Variants in HTR4 observed in about 807,000 individuals in gnomAD.
The protein encoded by HTR4 is 5-hydroxytryptamine receptor 4.
In HTR4, 16 loss-of-function variants were observed where a neutral mutation model predicts 36.8. The ratio of observed to expected loss-of-function variants is 0.43; its 90% CI spans 0.29 to 0.66. HTR4 has a LOEUF of 0.66. Among genes scored for constraint, HTR4 ranks in the 30% least tolerant of loss-of-function variants. The pLI, the probability that HTR4 is intolerant of heterozygous loss-of-function variation, is 0.13. For missense variants in HTR4, 438 were observed against 490.9 expected (o/e 0.89, Z 1.02); for synonymous variants, 189 against 185.1 (o/e 1.02, Z -0.17).
intron 6 of HTR4, among the ~76,000 whole-genome samples, chr5:148,498,846 G>T (rs1256848255): frequency 6.6e-6 from 1 of 152,032 alleles, no homozygotes. Flanking sequence ...ATAAGAATAG[G>T]TCCATCTGAT....
intron 4 of HTR4, among the ~76,000 whole-genome samples, chr5:148,538,965 G>C (rs952125448): frequency 2.6e-5 from 4 of 152,118 alleles, no homozygotes; most frequent in Admixed American, 2.0e-4. Flanking sequence ...CACCTCACCT[G>C]ACTTCAACCT....
intron 5 of HTR4, among the ~76,000 whole-genome samples, chr5:148,515,593 T>C (rs1485503962): frequency 1.3e-5 from 2 of 152,256 alleles, no homozygotes; most frequent in East Asian, 1.9e-4. Flanking sequence ...CATATTTTCA[T>C]TGGGTATAGA....
chr5:148,580,676 T>C (rs1761097675), intron 2 of HTR4, among the ~76,000 whole-genome samples: 1 of 152,172 alleles, frequency 6.6e-6, no homozygotes, highest in Admixed American at 6.6e-5. Flanking sequence ...TCCAGGTTTA[T>C]ACATGTTGCC....
rs1413303431 is a variant in HTR4, at chr5:148,595,812, T to C, written c.26+41177A>G. 2.6e-5 allele frequency among the ~76,000 whole-genome samples: 4 copies of C among 152,228 alleles called. 1 individual carries two copies. Among genetic ancestry groups the C allele is most frequent in the African/African-American group, 9.6e-5 (4 of 41,452 alleles). On this transcript the variant is annotated intron_variant, in intron 2 of 6. Transcript: ENST00000377888. ...TAAATGATATAAATTATAAAAATGA[T>C]GCAACCCATTTATAAGGACAAAAAT...
intron 2 of HTR4, among the ~76,000 whole-genome samples, chr5:148,565,402 T>C (rs1000457218): frequency 2.6e-5 from 4 of 152,046 alleles, no homozygotes; most frequent in African/African-American, 9.7e-5. Flanking sequence ...TGAGTAAGAA[T>C]ACACTGGAGT....
chr5:148,509,627 T>C lies in HTR4; in HGVS notation c.905A>G (p.Tyr302Cys). 6.2e-7 allele frequency: 1 copy of C among 1,614,070 alleles called. No homozygotes were observed. Among genetic ancestry groups the C allele is most frequent in the Non-Finnish European group, 8.5e-7 (1 of 1,179,978 alleles). The change falls in exon 6 of 7, where the codon TAT (tyrosine) becomes TGT (cysteine). Residue 302 changes from tyrosine (Y) to cysteine (C), a missense_variant. By Grantham distance (194) the Tyr-to-Cys change is radical. Transcript: ENST00000377888. ...QVWTAFLWLG[Y>C]INSGLNPFLY... ...AAAAGGGTTCAACCCGGAATTGATA[T>C]AGCCGAGCCAGAGGAAAGCAGTCCA... is the stretch of plus-strand genomic sequence containing the variant.
intron 2 of HTR4, among the ~76,000 whole-genome samples, chr5:148,583,564 A>T (rs1400431557): frequency 6.6e-6 from 1 of 152,124 alleles, no homozygotes; most frequent in Non-Finnish European, 1.5e-5. Context: ...AGCAGTTATC[A>T]TAGTTACAGC....
At chr5:148,653,419 A>G (rs555590781) in intron 1 of HTR4, among the ~76,000 whole-genome samples, 1 of 152,312 alleles carries the variant, frequency 6.6e-6, no homozygotes, top group Admixed American at 6.5e-5. Context: ...CGCACAGGGT[A>G]GCAAGCTGTG....
chr5:148,484,391 A>G (rs772340657), intron 6 of HTR4: 1 of 1,607,786 alleles, frequency 6.2e-7, no homozygotes, highest in South Asian at 1.1e-5. Context: ...TAGCAGATAA[A>G]GAAATTATTT....
intron 6 of HTR4, among the ~76,000 whole-genome samples, chr5:148,494,556 G>A (rs1018109327): frequency 1.8e-4 from 27 of 151,948 alleles, no homozygotes; most frequent in African/African-American, 6.3e-4. Context: ...CACTAATGTC[G>A]TACATGGAAA....
intron 6 of HTR4, among the ~76,000 whole-genome samples, chr5:148,497,203 T>A (rs529365540): frequency 2.6e-5 from 4 of 152,120 alleles, no homozygotes; most frequent in Non-Finnish European, 5.9e-5. Flanking sequence ...TTATTTTTAT[T>A]TTGAGACAGG....
chr5:148,476,603 A>C, downstream of HTR4: 1 of 1,515,222 alleles, frequency 6.6e-7, no homozygotes, highest in Non-Finnish European at 8.8e-7. Context: ...GAGATGCCGT[A>C]ACAATGAAAA....
intron 6 of HTR4, among the ~76,000 whole-genome samples, chr5:148,494,750 T>C (rs909392469): frequency 3.3e-5 from 5 of 152,234 alleles, no homozygotes; most frequent in Non-Finnish European, 5.9e-5. Context: ...TCTACATTTA[T>C]ATCTAAGCCA....
At chr5:148,529,895 T>C (rs1758469351) in intron 4 of HTR4, among the ~76,000 whole-genome samples, 1 of 152,182 alleles carries the variant, frequency 6.6e-6, no homozygotes, top group East Asian at 1.9e-4. Flanking sequence ...CAAAGGTGGC[T>C]CTTGTTATGA....
chr5:148,539,508 TAAAC>T (rs1202291958), intron 4 of HTR4, among the ~76,000 whole-genome samples: 1 of 152,064 alleles, frequency 6.6e-6, no homozygotes, highest in Non-Finnish European at 1.5e-5. Flanking sequence ...ATAAGGAACT[TAAAC>T]AAATTTACAA....
At chr5:148,583,439 A>G (rs1761223902) in intron 2 of HTR4, among the ~76,000 whole-genome samples, 1 of 151,844 alleles carries the variant, frequency 6.6e-6, no homozygotes, top group Non-Finnish European at 1.5e-5. Context: ...TATAATAATA[A>G]TAATAATAAA....
intron 5 of HTR4, among the ~76,000 whole-genome samples, chr5:148,515,154 T>C (rs1191171653): frequency 6.6e-6 from 1 of 152,178 alleles, no homozygotes; most frequent in Non-Finnish European, 1.5e-5. Flanking sequence ...ATTAACACAT[T>C]ACCTCTCTCC....
intron 4 of HTR4, among the ~76,000 whole-genome samples, chr5:148,526,335 T>C (rs188587242): frequency 6.6e-6 from 1 of 152,302 alleles, no homozygotes; most frequent in Admixed American, 6.5e-5. Flanking sequence ...TTTGTTTCAT[T>C]CAATATACTT....
chr5:148,632,105 A>G (rs1753342971), intron 2 of HTR4, among the ~76,000 whole-genome samples: 1 of 152,094 alleles, frequency 6.6e-6, no homozygotes, highest in African/African-American at 2.4e-5. Context: ...TTCTTCCTTT[A>G]CATCCTTAAA....
Sources: gnomAD v4.1 joint callset for allele counts (sites outside exome capture counted in the v4.1 genomes callset) on GRCh38, gnomAD v4.1.1 for gene constraint, MANE v1.5 for transcripts, NCBI Gene and HGNC (gene_info 2026-07-23, HGNC 2026-07-21) for gene names.